Variants in PRRC2B observed in about 807,000 individuals in gnomAD.
The protein encoded by PRRC2B is protein PRRC2B.
Under a neutral mutation model 242.3 loss-of-function variants are expected in PRRC2B, and 68 were observed. That is an observed-to-expected ratio of 0.28 (90% CI 0.23 to 0.34). The LOEUF is 0.34. Ranked by LOEUF, PRRC2B falls within the 10% of genes least tolerant of loss-of-function variation. The probability of loss-of-function intolerance (pLI) is 1.00; values close to 1 mark genes in which losing one functional copy is unlikely to be tolerated. For missense variants in PRRC2B, 2,835 were observed against 2,954.8 expected (o/e 0.96, Z 0.94); for synonymous variants, 1,228 against 1,173.6 (o/e 1.05, Z -0.95).
In PRRC2B at chr9:131,475,430, T is replaced by G; in HGVS notation, c.3301T>G (p.Cys1101Gly). 1 of 1,580,738 alleles carries G rather than the reference T, an allele frequency of 6.3e-7. No individual in the cohort carries two copies. The highest frequency in any genetic ancestry group is 8.6e-7 in the Non-Finnish European group (1 of 1,163,904). Residue 1101 changes from cysteine to glycine, a missense_variant, in exon 16 of 32, where the codon TGC becomes GGC. Physicochemically the swap from Cys to Gly is radical, Grantham distance 159. Coordinates refer to ENST00000683519, the MANE Select transcript of PRRC2B (RefSeq NM_013318.4). ...GGTCCTGGGGGCCCGCAGCATCTAC[T>G]GCAGCAGTCAGCGCAGCGGCCGTGG... is the stretch of plus-strand genomic sequence containing the variant. ...GGVLGARSIY[C>G]SSQRSGRGRG...
At chr9:131,387,786 G>A (rs944440992) in intron 1 of PRRC2B, among the ~76,000 whole-genome samples, 3 of 150,262 alleles carry the variant, frequency 2.0e-5, no homozygotes, top group African/African-American at 4.9e-5. Flanking sequence ...AATACATGCC[G>A]GACTTGAAGA....
chr9:131,471,196 G>A (rs966909121), intron 14 of PRRC2B, among the ~76,000 whole-genome samples: 2 of 152,214 alleles, frequency 1.3e-5, no homozygotes, highest in African/African-American at 4.8e-5. Flanking sequence ...TGAAGATCGT[G>A]TATCATAAAT....
At position 131,481,311 on chromosome 9, in the gene PRRC2B, C is replaced by CAAAAAAA. The variant is rs11404767; in HGVS notation, c.4901-400_4901-394dup. ...GGGCGACAGAGCAAGACTCCGTCTC[C>CAAAAAAA]AAAAAAAAAAAAAAAAAAAAAGAAA... is the stretch of plus-strand genomic sequence containing the variant. On this transcript the variant is annotated intron_variant, in intron 19 of 31. Transcript: ENST00000683519. Among the ~76,000 whole-genome samples, 561 of 79,180 alleles carry CAAAAAAA rather than the reference C, an allele frequency of 7.1e-3. 20 individuals are homozygous for CAAAAAAA. Among genetic ancestry groups the CAAAAAAA allele is most frequent in the African/African-American group, 0.028 (491 of 17,272 alleles). 51.9% of individuals were successfully genotyped at this position (79,180 alleles called of 152,430 possible).
At chr9:131,448,315 G>C (rs982833586) in intron 9 of PRRC2B, 1 of 152,136 alleles carries the variant, frequency 6.6e-6, no homozygotes, top group Non-Finnish European at 1.5e-5. Flanking sequence ...GAAGGCTGAG[G>C]TGGGCAGATC....
intron 1 of PRRC2B, among the ~76,000 whole-genome samples, chr9:131,386,081 T>C (rs115414040): frequency 0.041 from 6,129 of 149,796 alleles, 502 homozygotes; most frequent in African/African-American, 0.14. Flanking sequence ...AGCCTAACCA[T>C]TGAGTTTTAC....
chr9:131,420,453 T>TCC (rs1837776424), intron 1 of PRRC2B, among the ~76,000 whole-genome samples: 3 of 60,988 alleles, frequency 4.9e-5, no homozygotes, highest in Non-Finnish European at 1.0e-4. Flanking sequence ...TTCTTTTTCT[T>TCC]TTTCTTTCTT....
At chr9:131,451,530 A>G (rs572028052) in intron 9 of PRRC2B, among the ~76,000 whole-genome samples, 5 of 152,326 alleles carry the variant, frequency 3.3e-5, no homozygotes, top group Admixed American at 2.6e-4. Flanking sequence ...TAGTTTGTAA[A>G]TAAGGAGTTT....
chr9:131,378,133 A>T (rs950956826), intron 1 of PRRC2B, among the ~76,000 whole-genome samples: 8 of 151,672 alleles, frequency 5.3e-5, no homozygotes, highest in Non-Finnish European at 1.0e-4. Context: ...ACATGGTGAA[A>T]CCCTGTCTCT....
In PRRC2B at chr9:131,418,069, C is replaced by T. The variant is rs964872484; in HGVS notation, c.-51-12025C>T. On this transcript the variant is annotated intron_variant, in intron 1 of 31. Transcript: ENST00000683519. ...TCCAGACGCCTTGAGAAAGGGAGTC[C>T]AAAGCCCCGGAGGCAGAGAGTTCAG... 2.0e-5 allele frequency among the ~76,000 whole-genome samples: 3 copies of T among 152,178 alleles called. No individual in the cohort carries two copies. The South Asian group carries it at 6.2e-4, about 32-fold the overall frequency.
chr9:131,403,289 T>TTTTGTTTG (rs755546686), intron 1 of PRRC2B, among the ~76,000 whole-genome samples: 1 of 152,150 alleles, frequency 6.6e-6, no homozygotes, highest in Non-Finnish European at 1.5e-5. Flanking sequence ...TTTTCTGGTT[T>TTTTGTTTG]TTTGTTTGTT....
chr9:131,382,780 G>T (rs1350905387), intron 1 of PRRC2B, among the ~76,000 whole-genome samples: 2 of 152,026 alleles, frequency 1.3e-5, no homozygotes, highest in African/African-American at 4.8e-5. Flanking sequence ...AAGTAGCTGG[G>T]ATTATAGGTG....
At position 131,475,759 on chromosome 9, in the gene PRRC2B, C is replaced by T; in HGVS notation, c.3630C>T (p.Ser1210=). The change falls in exon 16 of 32, where the codon AGC becomes AGT. Residue 1210 remains serine (S), a synonymous_variant. Coordinates refer to ENST00000683519, the MANE Select transcript of PRRC2B (RefSeq NM_013318.4). The part of the protein sequence containing the change: ...AFGRALPPRL[S]NCGYGRRTFV... ...GGCGAGCCCTCCCTCCCCGGCTGAG[C>T]AATTGCGGGTATGGACGGAGAACCT... 5.0e-6 allele frequency: 8 copies of T among 1,613,558 alleles called. No individual in the cohort carries two copies. The highest frequency in any genetic ancestry group is 5.1e-6 in the Non-Finnish European group (6 of 1,179,750).
chr9:131,470,878 T>C lies in PRRC2B; in HGVS notation c.2002T>C (p.Leu668=), dbSNP rs772803756. ...RTFYPHHPQM[L]GFDPRWMMMP... is the part of the protein sequence containing the mutation. ...CTTTTACCCACACCACCCCCAGATG[T>C]TGGGCTTCGATCCCAGGTGGATGAT... is the stretch of plus-strand genomic sequence containing the variant. Residue 668 remains leucine, a synonymous_variant, in exon 14 of 32, where the codon TTG becomes CTG. Transcript: ENST00000683519. The C allele has an allele frequency of 8.7e-6, 14 of 1,601,676 alleles. No homozygotes were observed. In the East Asian group the frequency reaches 1.8e-4, roughly 21 times the overall value.
chr9:131,470,790 G>A lies in PRRC2B; in HGVS notation c.1914G>A (p.Glu638=), dbSNP rs915131112. 3.1e-6 allele frequency: 5 copies of A among 1,611,568 alleles called. No homozygotes were observed. Among genetic ancestry groups the A allele is most frequent in the Non-Finnish European group, 4.2e-6 (5 of 1,178,726 alleles). Residue 638 remains glutamate, a splice_region_variant and synonymous_variant, in exon 14 of 32, where the codon GAG becomes GAA. Transcript: ENST00000683519. Reference sequence around the variant, plus strand: ...AGTCTCTCTCTCTCTGTGGGCAGGAGCAGCTGTACAAGATGCAGCACTGGC... The same window carrying A: ...AGTCTCTCTCTCTCTGTGGGCAGGAACAGCTGTACAAGATGCAGCACTGGC... ...FQRQQQQQQQ[E]QLYKMQHWQP...
intron 11 of PRRC2B, among the ~76,000 whole-genome samples, chr9:131,462,160 A>T (rs1943259613): frequency 6.6e-6 from 1 of 152,200 alleles, no homozygotes. Flanking sequence ...ATCAACAGTG[A>T]TGAAATCTAT....
chr9:131,485,149 T>TCC lies in PRRC2B; in HGVS notation c.5758+12_5758+13dup. On this transcript the variant is annotated intron_variant, in intron 25 of 31. Transcript: ENST00000683519. ...TTCTGCTTCTATGCCAGGTATCTCA[T>TCC]CCCCTGAGCAAGGCCTTGGGGTCCT... 2 of 1,566,600 alleles carry TCC rather than the reference T, an allele frequency of 1.3e-6. No homozygotes were observed. Among genetic ancestry groups the TCC allele is most frequent in the South Asian group, 2.3e-5 (2 of 86,624 alleles).
chr9:131,488,919 C>T lies in PRRC2B; in HGVS notation c.6225+823C>T, dbSNP rs570822109. Among the ~76,000 whole-genome samples, 7 of 152,298 alleles carry T rather than the reference C, an allele frequency of 4.6e-5. No individual in the cohort carries two copies. In the South Asian group the frequency reaches 1.5e-3, roughly 32 times the overall value. On this transcript the variant is annotated intron_variant, in intron 28 of 31. Transcript: ENST00000683519. The stretch of plus-strand genomic sequence containing the variant: ...GTCTGGTCTGGCTTGCAGTCTGTCT[C>T]CACTCTCCTGTTCCAGTTCCTAGTG...
At chr9:131,396,985 G>A (rs1206737046) in intron 1 of PRRC2B, among the ~76,000 whole-genome samples, 1 of 152,106 alleles carries the variant, frequency 6.6e-6, no homozygotes, top group East Asian at 1.9e-4. Flanking sequence ...TGGCATTCCC[G>A]CAACCATCTT....
upstream of PRRC2B, among the ~76,000 whole-genome samples, chr9:131,392,323 TC>T (rs985135733): frequency 6.6e-6 from 1 of 151,872 alleles, no homozygotes; most frequent in African/African-American, 2.4e-5. Context: ...GGTCTTGAAC[TC>T]CTGACCGCAT....
Sources: gnomAD v4.1 joint callset for allele counts (sites outside exome capture counted in the v4.1 genomes callset) on GRCh38, gnomAD v4.1.1 for gene constraint, MANE v1.5 for transcripts, NCBI Gene and HGNC (gene_info 2026-07-23, HGNC 2026-07-21) for gene names.